Variants in MAP2K1 observed in about 807,000 individuals in gnomAD.
MAP2K1 encodes the protein dual specificity mitogen-activated protein kinase kinase 1.
A neutral mutation model predicts 46.3 loss-of-function variants in MAP2K1; 16 were observed. The ratio of observed to expected loss-of-function variants is 0.35; its 90% CI spans 0.23 to 0.52. The LOEUF is 0.52. MAP2K1 is among the 20% of genes least tolerant of loss of function. The pLI is 0.94. For synonymous variants in MAP2K1, 183 were observed against 185.6 expected (o/e 0.99, Z 0.11); for missense variants, 263 against 497.1 (o/e 0.53, Z 4.48).
chr15:66,463,249 C>T (rs563277623), intron 5 of MAP2K1, among the ~76,000 whole-genome samples: 4 of 152,246 alleles, frequency 2.6e-5, no homozygotes, highest in East Asian at 1.9e-4. Context: ...GTAGGATATA[C>T]GTGAAGAGAG....
intron 1 of MAP2K1, among the ~76,000 whole-genome samples, chr15:66,397,798 C>T (rs977561395): frequency 3.1e-4 from 47 of 152,072 alleles, no homozygotes; most frequent in Admixed American, 2.9e-3. Context: ...GACAACTGAC[C>T]TAGTCTCTTA....
At chr15:66,441,082 C>A (rs2093502363) in intron 3 of MAP2K1, among the ~76,000 whole-genome samples, 1 of 152,130 alleles carries the variant, frequency 6.6e-6, no homozygotes, top group Non-Finnish European at 1.5e-5. Flanking sequence ...CCCGCCTTAG[C>A]CTCCCAAGTA....
At chr15:66,484,873 A>C in intron 6 of MAP2K1, 117 bp from the exon 7 acceptor site, 2 of 885,266 alleles carry the variant, frequency 2.3e-6, no homozygotes, top group South Asian at 1.3e-5. Flanking sequence ...TCAAGAGGTT[A>C]GTGGAGCTCT....
At chr15:66,431,938 A>G (rs900124374) in intron 1 of MAP2K1, among the ~76,000 whole-genome samples, 4 of 152,200 alleles carry the variant, frequency 2.6e-5, no homozygotes, top group Non-Finnish European at 4.4e-5. Flanking sequence ...TAGTGAGAAC[A>G]TGCGGTATTT....
intron 3 of MAP2K1, among the ~76,000 whole-genome samples, chr15:66,441,108 A>G (rs1238651991): frequency 6.6e-6 from 1 of 152,040 alleles, no homozygotes; most frequent in Non-Finnish European, 1.5e-5. Context: ...AGGACAACAG[A>G]TGTGCATCAC....
intron 1 of MAP2K1, among the ~76,000 whole-genome samples, chr15:66,400,701 T>C (rs1401322551): frequency 6.6e-6 from 1 of 152,198 alleles, no homozygotes; most frequent in Non-Finnish European, 1.5e-5. Context: ...CCAAGATGAA[T>C]AGTGTTTTGT....
At chr15:66,411,138 A>T (rs12439516) in intron 1 of MAP2K1, among the ~76,000 whole-genome samples, 15,472 of 151,452 alleles carry the variant, frequency 0.1, 985 homozygotes, top group East Asian at 0.34. Flanking sequence ...GCAAGGCTGG[A>T]CTGGTTGGAG....
chr15:66,488,654 CCT>C (rs771843834), intron 8 of MAP2K1: 2 of 186,924 alleles, frequency 1.1e-5, no homozygotes, highest in Non-Finnish European at 2.2e-5. Context: ...CAGATCCAGC[CCT>C]CTGTCAGTTA....
intron 1 of MAP2K1, among the ~76,000 whole-genome samples, chr15:66,433,297 TATG>T (rs1420997827): frequency 6.6e-6 from 1 of 152,226 alleles, no homozygotes; most frequent in Non-Finnish European, 1.5e-5. Context: ...CTTGGACTGC[TATG>T]ATAACATATC....
chr15:66,394,277 C>T (rs1419885940), intron 1 of MAP2K1, among the ~76,000 whole-genome samples: 1 of 151,650 alleles, frequency 6.6e-6, no homozygotes, highest in Non-Finnish European at 1.5e-5. Flanking sequence ...CTGAAACACT[C>T]AGACTTACTT....
Position 66,444,704 on chromosome 15 carries a change from A to C in MAP2K1, c.565A>C (p.Arg189=), listed in dbSNP as rs776763061. Reference sequence around the variant, plus strand: ...GAGGGAGAAGCACAAGATCATGCACAGAGGTAAGAAGTTATTTGCTAGTTA... The same window carrying C: ...GAGGGAGAAGCACAAGATCATGCACCGAGGTAAGAAGTTATTTGCTAGTTA... ...YLREKHKIMH[R]DVKPSNILVN... is the part of the protein sequence containing the mutation. The change falls in exon 5 of 11, where the codon AGA becomes CGA. Residue 189 remains arginine (R), a synonymous_variant. Transcript: ENST00000307102. 6.2e-7 allele frequency: 1 copy of C among 1,611,432 alleles called. No homozygotes were observed. Among genetic ancestry groups the C allele is most frequent in the East Asian group, 2.2e-5 (1 of 44,872 alleles).
intron 1 of MAP2K1, among the ~76,000 whole-genome samples, chr15:66,393,673 A>G (rs962054913): frequency 5.3e-5 from 8 of 152,350 alleles, no homozygotes; most frequent in African/African-American, 1.9e-4. Context: ...CTACCTGACC[A>G]GGTCCTTAGT....
rs188663454 is a variant in MAP2K1 at position 66,392,524 on chromosome 15, A to G, written c.80+5097A>G. ...AGCAATGACCATCCCTAAATTTTAT[A>G]TCAGTTTCTTCTTTGTTTTCTTTTC... On this transcript the variant is annotated intron_variant, in intron 1 of 10. Coordinates refer to ENST00000307102, the MANE Select transcript of MAP2K1 (RefSeq NM_002755.4). Among the ~76,000 whole-genome samples the G allele has an allele frequency of 3.3e-3, 477 of 145,082 alleles. 4 individuals carry two copies. The highest frequency in any genetic ancestry group is 0.012 in the African/African-American group (461 of 39,286).
chr15:66,393,916 A>C (rs1161276774), intron 1 of MAP2K1, among the ~76,000 whole-genome samples: 1 of 152,144 alleles, frequency 6.6e-6, no homozygotes, highest in Admixed American at 6.5e-5. Context: ...ACTCCCTGTC[A>C]TTTTCTACCC....
chr15:66,433,241 C>T (rs552967913), intron 1 of MAP2K1, among the ~76,000 whole-genome samples: 1 of 152,340 alleles, frequency 6.6e-6, no homozygotes, highest in African/African-American at 2.4e-5. Context: ...CACTGCAAGA[C>T]ATAGCCGAAC....
chr15:66,439,154 G>A (rs2140589696), intron 3 of MAP2K1, among the ~76,000 whole-genome samples: 1 of 152,282 alleles, frequency 6.6e-6, no homozygotes, highest in South Asian at 2.1e-4. Flanking sequence ...TTCTGACTAT[G>A]GGCTGCTGCT....
chr15:66,437,025 G>T, intron 3 of MAP2K1, 133 bp downstream of exon 3: 3 of 955,090 alleles, frequency 3.1e-6, no homozygotes, highest in South Asian at 1.3e-5. Flanking sequence ...TGGGGCATCT[G>T]GGAAGTCTAA....
intron 1 of MAP2K1, among the ~76,000 whole-genome samples, chr15:66,404,164 G>A (rs2093389867): frequency 6.6e-6 from 1 of 152,180 alleles, no homozygotes. Context: ...GGTCATTGGA[G>A]CCAAGGAAAG....
intron 1 of MAP2K1, among the ~76,000 whole-genome samples, chr15:66,398,829 A>G (rs2093374572): frequency 6.7e-6 from 1 of 148,700 alleles, no homozygotes; most frequent in African/African-American, 2.5e-5. Context: ...GCTAGAGTGC[A>G]GTGGTGCGAT....
Sources: allele counts gnomAD v4.1 joint callset (sites outside exome capture counted in the v4.1 genomes callset), GRCh38; gene constraint gnomAD v4.1.1; transcripts MANE v1.5; gene names NCBI Gene and HGNC (gene_info 2026-07-23, HGNC 2026-07-21).